The following KIF16B variants were observed in gnomAD, a reference collection of about 807,000 sequenced individuals.
KIF16B encodes kinesin family member 16B.
KIF16B carries 98 observed loss-of-function variants against 156.3 expected under a neutral mutation model. The ratio of observed to expected loss-of-function variants is 0.63; its 90% CI spans 0.53 to 0.74. The LOEUF (loss-of-function observed/expected upper bound fraction) is 0.74, where lower values mean the gene tolerates loss of function less well. Ranked by LOEUF, KIF16B falls within the 30% of genes least tolerant of loss-of-function variation. KIF16B has a pLI of 0.00. For synonymous variants in KIF16B, 564 were observed against 583.7 expected (o/e 0.97, Z 0.49); for missense variants, 1,421 against 1,606.5 (o/e 0.88, Z 1.97).
chr20:16,429,743 G>T, intron 13 of KIF16B, 120 bp downstream of exon 13: 1 of 826,028 alleles, frequency 1.2e-6, no homozygotes, highest in Non-Finnish European at 1.7e-6. Context: ...AGGATTTGTT[G>T]TATATTCTTT....
At chr20:16,534,258 T>A (rs1414046612) in intron 1 of KIF16B, among the ~76,000 whole-genome samples, 2 of 147,604 alleles carry the variant, frequency 1.4e-5, no homozygotes, top group Non-Finnish European at 3.0e-5. Flanking sequence ...CTGTCTCAAA[T>A]AAAAAAAAAA....
chr20:16,378,580 A>T (rs1226344540), intron 19 of KIF16B, among the ~76,000 whole-genome samples: 1 of 152,122 alleles, frequency 6.6e-6, no homozygotes, highest in African/African-American at 2.4e-5. Context: ...GTGTTTTTCA[A>T]CTCTAGGCTA....
intron 17 of KIF16B, among the ~76,000 whole-genome samples, chr20:16,394,711 A>G (rs2065449324): frequency 6.6e-6 from 1 of 152,198 alleles, no homozygotes; most frequent in Admixed American, 6.5e-5. Flanking sequence ...TAAAAAGTCC[A>G]TGCTCAAGGT....
chr20:16,331,209 T>A (rs78272559), intron 24 of KIF16B, among the ~76,000 whole-genome samples: 1,956 of 152,312 alleles, frequency 0.013, 44 homozygotes, highest in African/African-American at 0.044. Context: ...GTATATATTG[T>A]TGAATAATGT....
intron 1 of KIF16B, among the ~76,000 whole-genome samples, chr20:16,541,735 A>G (rs922830556): frequency 6.6e-6 from 1 of 152,222 alleles, no homozygotes; most frequent in Admixed American, 6.5e-5. Flanking sequence ...CTGGGAAAAG[A>G]AGGAGACTGA....
chr20:16,388,190 G>A (rs2065272724), intron 17 of KIF16B, among the ~76,000 whole-genome samples: 1 of 152,192 alleles, frequency 6.6e-6, no homozygotes, highest in Non-Finnish European at 1.5e-5. Context: ...CAAACAGTAT[G>A]AGGGGAGAGT....
rs74272638 is a variant in KIF16B, at chr20:16,414,923, T to C, written c.1613-8467A>G. On this transcript the variant is annotated intron_variant, in intron 15 of 25. Coordinates refer to ENST00000354981, the MANE Select transcript of KIF16B (RefSeq NM_024704.5). ...ACATGAAATATTCAACACTTGATTA[T>C]AAACTAGGCTTTGCGTTAGATGATT... Among the ~76,000 whole-genome samples, 8 of 152,310 alleles carry C rather than the reference T, an allele frequency of 5.3e-5. No individual in the cohort carries two copies. The South Asian group carries it at 6.2e-4, about 12-fold the overall frequency.
chr20:16,483,567 C>G (rs1326805839), intron 12 of KIF16B, among the ~76,000 whole-genome samples: 1 of 152,158 alleles, frequency 6.6e-6, no homozygotes. Context: ...GGAACACATG[C>G]TGTAATGCTC....
chr20:16,392,479 T>G lies in KIF16B; in HGVS notation c.1785-10732A>C, dbSNP rs571857475. Among the ~76,000 whole-genome samples the G allele has an allele frequency of 2.6e-5, 4 of 152,280 alleles. No homozygotes were observed. The South Asian group carries it at 6.2e-4, about 24-fold the overall frequency. On this transcript the variant is annotated intron_variant, in intron 17 of 25. Transcript: ENST00000354981. Reference sequence around the variant, plus strand: ...GAACAGAGAACAGAGAAGGGAAACTTGAAGATGCAAAAGAGATTCATAAAA... The same window carrying G: ...GAACAGAGAACAGAGAAGGGAAACTGGAAGATGCAAAAGAGATTCATAAAA...
At chr20:16,508,549 C>T (rs754580613) in intron 6 of KIF16B, among the ~76,000 whole-genome samples, 5 of 152,124 alleles carry the variant, frequency 3.3e-5, no homozygotes, top group Non-Finnish European at 7.3e-5. Context: ...ACCTAGATCC[C>T]TCACACGTGC....
At chr20:16,545,110 T>C (rs2070353875) in intron 1 of KIF16B, among the ~76,000 whole-genome samples, 2 of 152,202 alleles carry the variant, frequency 1.3e-5, no homozygotes, top group East Asian at 1.9e-4. Flanking sequence ...GAGCAAAGCG[T>C]TGGGGGCCTT....
chr20:16,375,899 C>G lies in KIF16B; in HGVS notation c.3198-1490G>C, dbSNP rs191769859. Among the ~76,000 whole-genome samples the G allele has an allele frequency of 9.2e-5, 14 of 152,218 alleles. No homozygotes were observed. In the East Asian group the frequency reaches 2.7e-3, roughly 29 times the overall value. ...GGGACAAGCTGGCCTTCCCGTGTGGCAGATACATGGTCAGAAGACTAGAGG... is the reference window on the plus strand; with the variant it reads ...GGGACAAGCTGGCCTTCCCGTGTGGGAGATACATGGTCAGAAGACTAGAGG... On this transcript the variant is annotated intron_variant, in intron 19 of 25. Coordinates refer to ENST00000354981, the MANE Select transcript of KIF16B (RefSeq NM_024704.5).
At chr20:16,526,748 T>A (rs917723697) in intron 2 of KIF16B, among the ~76,000 whole-genome samples, 6 of 152,200 alleles carry the variant, frequency 3.9e-5, no homozygotes, top group African/African-American at 1.4e-4. Flanking sequence ...TGCATATATC[T>A]TGTCCCCCTT....
intron 10 of KIF16B, among the ~76,000 whole-genome samples, chr20:16,502,672 G>C (rs2068659774): frequency 6.6e-6 from 1 of 152,152 alleles, no homozygotes. Flanking sequence ...GCATTTTTCA[G>C]AGAGAAAATG....
chr20:16,293,651 G>A (rs2063343216), intron 25 of KIF16B, among the ~76,000 whole-genome samples: 1 of 152,164 alleles, frequency 6.6e-6, no homozygotes, highest in South Asian at 2.1e-4. Context: ...GACAATTGTG[G>A]GGTGGAAGGG....
At chr20:16,415,835 A>G (rs533203875) in intron 15 of KIF16B, among the ~76,000 whole-genome samples, 174 of 152,262 alleles carry the variant, frequency 1.1e-3, no homozygotes, top group Admixed American at 2.0e-3. Flanking sequence ...TTGGTTCTGC[A>G]TAAGCTGAAA....
Position 16,446,676 on chromosome 20 carries a change from T to C in KIF16B, c.1303-16694A>G, listed in dbSNP as rs143379593. 7.2e-3 allele frequency among the ~76,000 whole-genome samples: 1,090 copies of C among 152,306 alleles called. 19 individuals are homozygous for C. The highest frequency in any genetic ancestry group is 0.025 in the African/African-American group (1,047 of 41,560). The stretch of plus-strand genomic sequence containing the variant: ...TGAAACTACAGCTTCCAGACTTTGG[T>C]AACCTAAAAAGTCCCTGGATTCTAA... On this transcript the variant is annotated intron_variant, in intron 12 of 25. Transcript: ENST00000354981.
chr20:16,315,586 A>G (rs2063685784), intron 24 of KIF16B, among the ~76,000 whole-genome samples: 1 of 152,222 alleles, frequency 6.6e-6, no homozygotes, highest in African/African-American at 2.4e-5. Context: ...GGCAGTCATC[A>G]ACAGTTCCAA....
chr20:16,507,509 T>C (rs1008125875), intron 7 of KIF16B, among the ~76,000 whole-genome samples: 1 of 152,214 alleles, frequency 6.6e-6, no homozygotes, highest in African/African-American at 2.4e-5. Flanking sequence ...CATTAGTACT[T>C]ATAAATATTC....
Sources: gnomAD v4.1 joint callset for allele counts (sites outside exome capture counted in the v4.1 genomes callset) on GRCh38, gnomAD v4.1.1 for gene constraint, MANE v1.5 for transcripts, NCBI Gene and HGNC (gene_info 2026-07-23, HGNC 2026-07-21) for gene names.